The following IGFL2 variants were observed in gnomAD, a reference collection of about 807,000 sequenced individuals.
The protein encoded by IGFL2 is insulin growth factor-like family member 2.
In IGFL2, 7 loss-of-function variants were observed where a neutral mutation model predicts 13.9. The ratio of observed to expected loss-of-function variants is 0.51; its 90% confidence interval spans 0.29 to 0.95. The LOEUF is 0.95. Ranked by LOEUF, IGFL2 falls within the 40% of genes least tolerant of loss-of-function variation. IGFL2 has a pLI of 0.08. For synonymous variants in IGFL2, 55 were observed against 55.8 expected (o/e 0.99, Z 0.07); for missense variants, 138 against 147.8 (o/e 0.93, Z 0.34).
chr19:46,118,203 T>C, the IGFL2 span, among the ~76,000 whole-genome samples: 3 of 152,176 alleles, frequency 2.0e-5, no homozygotes, highest in African/African-American at 7.2e-5. Context: ...CAAACTTCTA[T>C]AAATTGGAAT....
chr19:46,164,555 T>C (rs1427120181), downstream of IGFL2: 2 of 152,252 alleles, frequency 1.3e-5, no homozygotes, highest in Admixed American at 1.3e-4. Flanking sequence ...CTGATGAGGA[T>C]AGGAGAAGCA....
At chr19:46,194,775 A>G in the IGFL2 span, among the ~76,000 whole-genome samples, 1 of 146,014 alleles carries the variant, frequency 6.8e-6, no homozygotes, top group South Asian at 2.2e-4. Context: ...GTGAGCTGAG[A>G]TTGTGCCACT....
the IGFL2 span, chr19:46,120,393 C>A: frequency 6.2e-7 from 1 of 1,609,380 alleles, no homozygotes; most frequent in South Asian, 1.1e-5. Flanking sequence ...GTCTTAACAA[C>A]ATATATTCTC....
the IGFL2 span, among the ~76,000 whole-genome samples, chr19:46,195,348 A>G: frequency 0.015 from 2,313 of 152,128 alleles, 49 homozygotes; most frequent in East Asian, 0.068. Flanking sequence ...CTTGTTATCA[A>G]TTAAGTTCCC....
chr19:46,116,045 CTG>C, the IGFL2 span, among the ~76,000 whole-genome samples: 1 of 152,026 alleles, frequency 6.6e-6, no homozygotes, highest in African/African-American at 2.4e-5. Flanking sequence ...ATAAGTGGGA[CTG>C]TTAATTCTAT....
At chr19:46,100,211 G>A in the IGFL2 span, among the ~76,000 whole-genome samples, 1 of 152,140 alleles carries the variant, frequency 6.6e-6, no homozygotes. Context: ...GGCCTTTTCA[G>A]TTTTCAGCGT....
chr19:46,198,716 C>T, the IGFL2 span, among the ~76,000 whole-genome samples: 1 of 152,180 alleles, frequency 6.6e-6, no homozygotes, highest in East Asian at 1.9e-4. Flanking sequence ...GAGATCAGCC[C>T]CTTCAATTCT....
chr19:46,105,464 A>G, the IGFL2 span, among the ~76,000 whole-genome samples: 1 of 152,138 alleles, frequency 6.6e-6, no homozygotes, highest in Admixed American at 6.5e-5. Flanking sequence ...AGGGTGAGGA[A>G]CAGGAAAGAA....
chr19:46,094,085 C>A, the IGFL2 span, among the ~76,000 whole-genome samples: 1 of 130,232 alleles, frequency 7.7e-6, no homozygotes, highest in Non-Finnish European at 1.6e-5. Context: ...TATTGTAAAG[C>A]TGATTCTAAA....
the IGFL2 span, among the ~76,000 whole-genome samples, chr19:46,084,150 A>G: frequency 6.6e-6 from 1 of 152,220 alleles, no homozygotes; most frequent in Non-Finnish European, 1.5e-5. Flanking sequence ...TTGAGTTAGA[A>G]AAGATACTTG....
At chr19:46,145,688 A>G (rs1973101587), upstream of IGFL2, among the ~76,000 whole-genome samples, 3 of 151,686 alleles carry the variant, frequency 2.0e-5, no homozygotes, top group Admixed American at 2.0e-4. Context: ...CAATTCTAGT[A>G]GATGGGAGAT....
At chr19:46,093,340 T>A in the IGFL2 span, among the ~76,000 whole-genome samples, 1 of 152,218 alleles carries the variant, frequency 6.6e-6, no homozygotes, top group African/African-American at 2.4e-5. Flanking sequence ...TTCTGAGTAA[T>A]TAAAACATTC....
downstream of IGFL2, among the ~76,000 whole-genome samples, chr19:46,163,192 A>T (rs191204069): frequency 1.3e-5 from 2 of 152,282 alleles, no homozygotes; most frequent in African/African-American, 4.8e-5. Flanking sequence ...CAATGCTCTG[A>T]AAGTGTGGGT....
At chr19:46,090,115 CT>C in the IGFL2 span, among the ~76,000 whole-genome samples, 408 of 151,904 alleles carry the variant, frequency 2.7e-3, 9 homozygotes, top group Non-Finnish European at 6.8e-4. Flanking sequence ...CTTTTTTCTA[CT>C]TGATTAGTTC....
Position 46,161,022 on chromosome 19 carries a change from A to T in IGFL2, c.342-48A>T, listed in dbSNP as rs758116981. On this transcript the variant is annotated intron_variant, in intron 3 of 3. Transcript: ENST00000377693. ...AGCAGTTTCTCAAATATTTTCAGTT[A>T]TCTCCTTGTCTGTTATTCGTAATTT... 4.5e-6 allele frequency: 7 copies of T among 1,566,760 alleles called. No homozygotes were observed. In the Admixed American group the frequency reaches 1.3e-4, roughly 29 times the overall value.
the IGFL2 span, among the ~76,000 whole-genome samples, chr19:46,187,542 C>T: frequency 4.2e-5 from 5 of 118,876 alleles, no homozygotes; most frequent in East Asian, 2.7e-4. Context: ...AGCATTAACC[C>T]GTTTAAACCT....
chr19:46,133,528 C>A, the IGFL2 span, among the ~76,000 whole-genome samples: 1 of 152,188 alleles, frequency 6.6e-6, no homozygotes, highest in Non-Finnish European at 1.5e-5. Flanking sequence ...GAGGCAAAAG[C>A]ACTTCCAAAT....
chr19:46,097,945 A>T, the IGFL2 span, among the ~76,000 whole-genome samples: 2 of 152,216 alleles, frequency 1.3e-5, no homozygotes, highest in South Asian at 4.1e-4. Context: ...TTTTTGAGTA[A>T]GTGCCATGTG....
At chr19:46,194,852 ATTTTTTTTTTTTTTTTTTT>A in the IGFL2 span, among the ~76,000 whole-genome samples, 2 of 31,588 alleles carry the variant, frequency 6.3e-5, no homozygotes, top group East Asian at 2.2e-3. Flanking sequence ...ATATATATAT[ATTTTTTTTTTTTTTTTTTT>A]TTTTTTTTTG....
Sources: gnomAD v4.1 joint callset for allele counts (sites outside exome capture counted in the v4.1 genomes callset) on GRCh38, gnomAD v4.1.1 for gene constraint, MANE v1.5 for transcripts, NCBI Gene and HGNC (gene_info 2026-07-23, HGNC 2026-07-21) for gene names.